Variants in PID1 observed in about 807,000 individuals in gnomAD.
PID1 encodes PTB-containing, cubilin and LRP1-interacting protein.
A neutral mutation model predicts 19.1 loss-of-function variants in PID1; 10 were observed. The observed-to-expected ratio is 0.52, with a 90% CI of 0.32 to 0.89. The LOEUF is 0.89. Ranked by LOEUF, PID1 falls within the 40% of genes least tolerant of loss-of-function variation. The probability of loss-of-function intolerance (pLI) is 0.03; values close to 1 mark genes in which losing one functional copy is unlikely to be tolerated. For synonymous variants in PID1, 130 were observed against 116.0 expected (o/e 1.12, Z -0.78); for missense variants, 248 against 285.3 (o/e 0.87, Z 0.94).
At chr2:229,113,799 G>C (rs1695352334) in intron 2 of PID1, among the ~76,000 whole-genome samples, 2 of 152,048 alleles carry the variant, frequency 1.3e-5, no homozygotes, top group Admixed American at 1.3e-4. Context: ...GAAGGTGATG[G>C]TTAGTTTTAT....
chr2:229,093,422 C>T (rs1416721856), intron 2 of PID1, among the ~76,000 whole-genome samples: 1 of 151,638 alleles, frequency 6.6e-6, no homozygotes, highest in Non-Finnish European at 1.5e-5. Context: ...TCAAGCCTCG[C>T]CCCCTTTTCT....
chr2:229,049,849 C>T (rs7566822), intron 2 of PID1, among the ~76,000 whole-genome samples: 79,440 of 151,904 alleles, frequency 0.52, 21,547 homozygotes, highest in East Asian at 0.67. Context: ...TGTCATGATA[C>T]TGAGCTGCCT....
At chr2:229,265,567 T>C (rs1175066371) in intron 1 of PID1, among the ~76,000 whole-genome samples, 1 of 152,206 alleles carries the variant, frequency 6.6e-6, no homozygotes, top group Non-Finnish European at 1.5e-5. Context: ...GACAAACGAC[T>C]CAACTATTTC....
intron 1 of PID1, among the ~76,000 whole-genome samples, chr2:229,228,634 T>C (rs553866909): frequency 9.8e-5 from 15 of 152,362 alleles, no homozygotes; most frequent in African/African-American, 3.6e-4. Flanking sequence ...TGTCTTTTAA[T>C]GGACACATCC....
intron 1 of PID1, among the ~76,000 whole-genome samples, chr2:229,205,575 C>T (rs775316215): frequency 6.6e-6 from 1 of 151,900 alleles, no homozygotes; most frequent in African/African-American, 2.4e-5. Context: ...CACACAAAAC[C>T]CAAATTATAT....
At chr2:229,129,949 TA>T (rs1297484766) in intron 2 of PID1, among the ~76,000 whole-genome samples, 2 of 152,090 alleles carry the variant, frequency 1.3e-5, no homozygotes, top group African/African-American at 4.8e-5. Context: ...TCACACAAAT[TA>T]TAGCAAAGAA....
At chr2:229,157,830 C>A (rs115270361) in intron 1 of PID1, among the ~76,000 whole-genome samples, 1 of 152,142 alleles carries the variant, frequency 6.6e-6, no homozygotes, top group South Asian at 2.1e-4. Context: ...TACAAGGCAA[C>A]CACCTACGTA....
intron 2 of PID1, among the ~76,000 whole-genome samples, chr2:229,113,624 A>G (rs867377388): frequency 1.6e-4 from 12 of 74,792 alleles, no homozygotes; most frequent in Non-Finnish European, 2.6e-4. Context: ...GTGTGTGTGT[A>G]TACATATTTA....
chr2:229,263,504 T>C (rs1196797048), intron 1 of PID1, among the ~76,000 whole-genome samples: 4 of 152,212 alleles, frequency 2.6e-5, no homozygotes, highest in Non-Finnish European at 4.4e-5. Flanking sequence ...TGACAATCCT[T>C]GGACCAGTAT....
At chr2:229,078,918 T>G (rs898169461) in intron 2 of PID1, among the ~76,000 whole-genome samples, 1 of 151,910 alleles carries the variant, frequency 6.6e-6, no homozygotes, top group Admixed American at 6.6e-5. Flanking sequence ...TTTCAGAGAG[T>G]GAGGAAAATG....
chr2:229,113,961 G>A (rs1695354956), intron 2 of PID1, among the ~76,000 whole-genome samples: 1 of 151,970 alleles, frequency 6.6e-6, no homozygotes, highest in African/African-American at 2.4e-5. Flanking sequence ...TTCCATAATG[G>A]GAGTCAGTCT....
Position 229,095,462 on chromosome 2 carries a change from T to C in PID1, c.177+60356A>G, listed in dbSNP as rs541298215. Among the ~76,000 whole-genome samples the C allele has an allele frequency of 3.9e-5, 6 of 152,336 alleles. No individual in the cohort carries two copies. In the South Asian group the frequency reaches 1.2e-3, roughly 32 times the overall value. ...TATTGCACAAATTTGGAGTAATTTC[T>C]GATTAACAAATTACTTTTAAATTGC... On this transcript the variant is annotated intron_variant, in intron 2 of 2. Coordinates refer to ENST00000392055, the MANE Select transcript of PID1 (RefSeq NM_001100818.2).
At chr2:229,046,353 T>TGA (rs1693877705) in intron 2 of PID1, among the ~76,000 whole-genome samples, 1 of 147,216 alleles carries the variant, frequency 6.8e-6, no homozygotes, top group African/African-American at 2.6e-5. Flanking sequence ...GGAAAGTGTG[T>TGA]GTGTGTGTGT....
chr2:229,121,907 A>G lies in PID1; in HGVS notation c.177+33911T>C, dbSNP rs147215022. Among the ~76,000 whole-genome samples the G allele has an allele frequency of 8.9e-3, 1,355 of 152,276 alleles. 8 individuals carry two copies. The highest frequency in any genetic ancestry group is 0.014 in the Middle Eastern group (4 of 294). On this transcript the variant is annotated intron_variant, in intron 2 of 2. Transcript: ENST00000392055. ...GAAAACAGAGAGTGATTATGGCTATAAAGAAAATCAAAGGAGAGCAAAGAG... is the reference window on the plus strand; with the variant it reads ...GAAAACAGAGAGTGATTATGGCTATGAAGAAAATCAAAGGAGAGCAAAGAG...
At position 229,044,399 on chromosome 2, in the gene PID1, C is replaced by A. The variant is rs149618826; in HGVS notation, c.178-18291G>T. 7.3e-3 allele frequency among the ~76,000 whole-genome samples: 1,106 copies of A among 152,158 alleles called. 11 individuals are homozygous for A. Among genetic ancestry groups the A allele is most frequent in the African/African-American group, 0.025 (1,052 of 41,500 alleles). ...CCAAGAAAAAGGTAGGACCTGCACT[C>A]CACCACCACCTGGCCCCTCTCCCCT... On this transcript the variant is annotated intron_variant, in intron 2 of 2. Coordinates refer to ENST00000392055, the MANE Select transcript of PID1 (RefSeq NM_001100818.2).
At chr2:229,036,852 C>T (rs1364667751) in intron 2 of PID1, among the ~76,000 whole-genome samples, 3 of 152,180 alleles carry the variant, frequency 2.0e-5, no homozygotes, top group Non-Finnish European at 4.4e-5. Flanking sequence ...ATGGGGCTAC[C>T]CCTCCAAGTC....
intron 1 of PID1, among the ~76,000 whole-genome samples, chr2:229,207,261 C>A (rs1452406379): frequency 6.6e-6 from 1 of 151,870 alleles, no homozygotes; most frequent in Non-Finnish European, 1.5e-5. Flanking sequence ...CTACTAAGGA[C>A]CTGGATTTCA....
At chr2:229,161,373 T>C (rs1690489697) in intron 1 of PID1, among the ~76,000 whole-genome samples, 1 of 152,158 alleles carries the variant, frequency 6.6e-6, no homozygotes, top group Admixed American at 6.5e-5. Context: ...CTCAGATCCA[T>C]CCAGGGACCC....
At chr2:229,088,932 T>C (rs1694819311) in intron 2 of PID1, among the ~76,000 whole-genome samples, 1 of 152,202 alleles carries the variant, frequency 6.6e-6, no homozygotes, top group African/African-American at 2.4e-5. Context: ...AAATTATTTT[T>C]GTGCTTGCAA....
Sources: allele counts gnomAD v4.1 joint callset (sites outside exome capture counted in the v4.1 genomes callset), GRCh38; gene constraint gnomAD v4.1.1; transcripts MANE v1.5; gene names NCBI Gene and HGNC (gene_info 2026-07-23, HGNC 2026-07-21).